COL5A2: variants seen among roughly 807,000 people sequenced by gnomAD.
COL5A2 encodes the protein collagen type V alpha 2 chain, also known as collagen alpha-2(V) chain.
A neutral mutation model predicts 208.2 loss-of-function variants in COL5A2; 23 were observed. The ratio of observed to expected loss-of-function variants is 0.11; its 90% CI spans 0.08 to 0.16. The LOEUF (loss-of-function observed/expected upper bound fraction) is 0.16, where lower values mean the gene tolerates loss of function less well. Ranked by LOEUF, COL5A2 falls within the 10% of genes least tolerant of loss-of-function variation. The probability of loss-of-function intolerance (pLI) is 1.00; values close to 1 mark genes in which losing one functional copy is unlikely to be tolerated. For synonymous variants in COL5A2, 625 were observed against 628.5 expected (o/e 0.99, Z 0.08); for missense variants, 1,590 against 1,956.4 (o/e 0.81, Z 3.53).
At chr2:189,043,349 T>A in intron 47 of COL5A2, 91 bp from the exon 48 acceptor site, 1 of 839,848 alleles carries the variant, frequency 1.2e-6, no homozygotes, top group Non-Finnish European at 1.9e-6. Flanking sequence ...TAATTGTATT[T>A]ACTACAATTT....
the COL5A2 span, among the ~76,000 whole-genome samples, chr2:189,330,144 TC>T: frequency 5.9e-5 from 9 of 152,100 alleles, no homozygotes; most frequent in African/African-American, 1.7e-4. Context: ...CTAAATCATG[TC>T]AATAGTGTAG....
chr2:189,387,964 T>C, the COL5A2 span, among the ~76,000 whole-genome samples: 1 of 152,152 alleles, frequency 6.6e-6, no homozygotes, highest in South Asian at 2.1e-4. Flanking sequence ...TTTGTATTTT[T>C]TGTAGGGACA....
chr2:189,066,029 T>A (rs1226478988), intron 23 of COL5A2, among the ~76,000 whole-genome samples: 1 of 152,234 alleles, frequency 6.6e-6, no homozygotes, highest in African/African-American at 2.4e-5. Context: ...TGGCATTTTT[T>A]AAAGTGTGTA....
intron 33 of COL5A2, among the ~76,000 whole-genome samples, chr2:189,057,849 C>A (rs910478363): frequency 6.6e-6 from 1 of 152,122 alleles, no homozygotes; most frequent in African/African-American, 2.4e-5. Context: ...TAGACTGCAT[C>A]AATCACTCTA....
intron 1 of COL5A2, among the ~76,000 whole-genome samples, chr2:189,139,656 G>C (rs1173488480): frequency 6.6e-6 from 1 of 152,164 alleles, no homozygotes; most frequent in Non-Finnish European, 1.5e-5. Context: ...TGGCTTATTC[G>C]TTGTGAATGT....
At chr2:189,208,743 A>T (rs1451793727) in intron 1 of COL5A2, among the ~76,000 whole-genome samples, 1 of 152,202 alleles carries the variant, frequency 6.6e-6, no homozygotes, top group Non-Finnish European at 1.5e-5. Flanking sequence ...AGTATACTAC[A>T]TTGGTTATTG....
At chr2:189,368,141 A>T in the COL5A2 span, among the ~76,000 whole-genome samples, 5 of 152,142 alleles carry the variant, frequency 3.3e-5, no homozygotes, top group African/African-American at 1.2e-4. Context: ...AGTTATTGTT[A>T]TTCTCATTTT....
chr2:189,161,552 C>T (rs1688364984), intron 1 of COL5A2, among the ~76,000 whole-genome samples: 1 of 152,102 alleles, frequency 6.6e-6, no homozygotes, highest in African/African-American at 2.4e-5. Context: ...AAGCTCAATG[C>T]TATGTATATA....
chr2:189,437,079 T>C, the COL5A2 span, among the ~76,000 whole-genome samples: 6 of 152,244 alleles, frequency 3.9e-5, no homozygotes, highest in African/African-American at 1.2e-4. Flanking sequence ...CAGACACCAC[T>C]GTGTTCCAAG....
chr2:189,248,257 A>T, the COL5A2 span, among the ~76,000 whole-genome samples: 1 of 152,344 alleles, frequency 6.6e-6, no homozygotes, highest in South Asian at 2.1e-4. Flanking sequence ...TGTGCAACAA[A>T]GTCTGGCATT....
intron 1 of COL5A2, among the ~76,000 whole-genome samples, chr2:189,156,257 C>T (rs1309064853): frequency 1.3e-5 from 2 of 152,068 alleles, no homozygotes; most frequent in African/African-American, 4.8e-5. Flanking sequence ...ATTCAAGTTC[C>T]ATGAAGCTCA....
chr2:189,248,390 T>C, the COL5A2 span, among the ~76,000 whole-genome samples: 1 of 152,144 alleles, frequency 6.6e-6, no homozygotes, highest in South Asian at 2.1e-4. Flanking sequence ...ACTACTAGAG[T>C]ATTAGTAAGA....
At chr2:189,065,805 C>T (rs1167511296) in intron 23 of COL5A2, among the ~76,000 whole-genome samples, 1 of 152,160 alleles carries the variant, frequency 6.6e-6, no homozygotes, top group African/African-American at 2.4e-5. Context: ...ATCACCAGGT[C>T]CTTTCTGCCC....
the COL5A2 span, among the ~76,000 whole-genome samples, chr2:189,343,932 CATTTCT>C: frequency 4.3e-4 from 65 of 152,208 alleles, 1 homozygote; most frequent in African/African-American, 1.2e-3. Context: ...ACTCCAAAGA[CATTTCT>C]ATTTCTATCT....
At chr2:189,318,666 C>A in the COL5A2 span, among the ~76,000 whole-genome samples, 1 of 152,128 alleles carries the variant, frequency 6.6e-6, no homozygotes, top group African/African-American at 2.4e-5. Context: ...CTTTGAAGCA[C>A]TTAAAAATAA....
At chr2:189,248,329 A>T in the COL5A2 span, among the ~76,000 whole-genome samples, 2 of 152,222 alleles carry the variant, frequency 1.3e-5, no homozygotes, top group Non-Finnish European at 2.9e-5. Context: ...GAAGAAACAG[A>T]TGTTGAATAA....
chr2:189,420,615 A>G, the COL5A2 span, among the ~76,000 whole-genome samples: 2 of 151,986 alleles, frequency 1.3e-5, no homozygotes, highest in Non-Finnish European at 2.9e-5. Context: ...AATATACAAT[A>G]TTTTAGTATT....
chr2:189,235,524 TTTCACC>T, the COL5A2 span, among the ~76,000 whole-genome samples: 1 of 151,782 alleles, frequency 6.6e-6, no homozygotes, highest in African/African-American at 2.4e-5. Flanking sequence ...TGATGTTTAA[TTTCACC>T]TAGTTTTGAA....
the COL5A2 span, among the ~76,000 whole-genome samples, chr2:189,304,406 T>A: frequency 4.1e-4 from 62 of 152,252 alleles, 1 homozygote; most frequent in African/African-American, 1.2e-3. Context: ...TCCAGATAAT[T>A]TATAAAGAAA....
Sources: gnomAD v4.1 joint callset for allele counts (sites outside exome capture counted in the v4.1 genomes callset) on GRCh38, gnomAD v4.1.1 for gene constraint, MANE v1.5 for transcripts, NCBI Gene and HGNC (gene_info 2026-07-23, HGNC 2026-07-21) for gene names.